ZNF28: variants seen among roughly 807,000 people sequenced by gnomAD.
ZNF28 encodes zinc finger protein KOX24.
Under a neutral mutation model 7.2 loss-of-function variants are expected in ZNF28, and 5 were observed. The ratio of observed to expected loss-of-function variants is 0.70; its 90% CI spans 0.36 to 1.46. ZNF28 has a LOEUF of 1.46. ZNF28 is among the 40% of genes most tolerant of loss of function. The pLI, the probability that ZNF28 is intolerant of heterozygous loss-of-function variation, is 0.03. For missense variants in ZNF28, 879 were observed against 866.6 expected (o/e 1.01, Z -0.18); for synonymous variants, 288 against 292.4 (o/e 0.99, Z 0.15).
chr19:52,805,645 A>AATAAATAAATAAATAAATAC (rs2062928292), intron 3 of ZNF28: 1 of 149,764 alleles, frequency 6.7e-6, no homozygotes, highest in Non-Finnish European at 1.5e-5. Context: ...TAATAATAAA[A>AATAAATAAATAAATAAATAC]ATAAATAAAT....
chr19:52,810,667 A>C, intron 2 of ZNF28: 5 of 999,846 alleles, frequency 5.0e-6, no homozygotes, highest in Non-Finnish European at 8.0e-6. Context: ...TCGCGTCTAC[A>C]GGGGCCGGGC....
Position 52,802,732 on chromosome 19 carries a change from T to C in ZNF28, c.143-1030A>G, listed in dbSNP as rs2062887850. ...TCCAAATAACTGTTACAAAATTACCTATATCCATGTGGAACAGGCACGTTG... is the reference window on the plus strand; with the variant it reads ...TCCAAATAACTGTTACAAAATTACCCATATCCATGTGGAACAGGCACGTTG... On this transcript the variant is annotated intron_variant, in intron 3 of 3. Transcript: ENST00000457749. 6.6e-5 allele frequency among the ~76,000 whole-genome samples: 10 copies of C among 151,236 alleles called. No individual in the cohort carries two copies. The South Asian group carries it at 1.9e-3, about 28-fold the overall frequency.
Position 52,816,799 on chromosome 19 carries a change from G to A in ZNF28, c.15+1145C>T, listed in dbSNP as rs1047704686. ...TAAGCTGAGATCATGCCACTGCACT[G>A]CAGCCTGGGCAACAAAGCAAGACTC... On this transcript the variant is annotated intron_variant, in intron 2 of 3. Coordinates refer to ENST00000457749, the MANE Select transcript of ZNF28 (RefSeq NM_006969.5). Among the ~76,000 whole-genome samples the A allele has an allele frequency of 2.0e-5, 3 of 151,194 alleles. No homozygotes were observed. In the Admixed American group the frequency reaches 2.0e-4, roughly 10 times the overall value.
rs1426183294 is a variant in ZNF28, at chr19:52,813,849, G to C, written c.15+4095C>G. 2.7e-5 allele frequency among the ~76,000 whole-genome samples: 4 copies of C among 146,006 alleles called. 2 individuals are homozygous for C. Among genetic ancestry groups the C allele is most frequent in the African/African-American group, 1.1e-4 (4 of 37,442 alleles). On this transcript the variant is annotated intron_variant, in intron 2 of 3. Coordinates refer to ENST00000457749, the MANE Select transcript of ZNF28 (RefSeq NM_006969.5). Reference sequence around the variant, plus strand: ...TTTCTGTTTTTCAGTTTTTTGTTTTGTTTTGTCTTCCTTTGCCTTTTTTCC... The same window carrying C: ...TTTCTGTTTTTCAGTTTTTTGTTTTCTTTTGTCTTCCTTTGCCTTTTTTCC...
At position 52,800,821 on chromosome 19, in the gene ZNF28, G is replaced by A. The variant is rs371929508; in HGVS notation, c.1024C>T (p.Leu342=). The part of the protein sequence containing the change: ...CDKAFTCNSY[L]AKHTIIHTGE... ...GTGTGAATTATAGTATGTTTTGCTA[G>A]GTATGAATTACATGTGAAAGCTTTG... The change falls in exon 4 of 4, where the codon CTA becomes TTA. Residue 342 remains leucine (L), a synonymous_variant. Coordinates refer to ENST00000457749, the MANE Select transcript of ZNF28 (RefSeq NM_006969.5). 15 of 1,613,938 alleles carry A rather than the reference G, an allele frequency of 9.3e-6. No individual in the cohort carries two copies. In the Admixed American group the frequency reaches 1.2e-4, roughly 13 times the overall value.
In ZNF28 at chr19:52,804,659, C is replaced by T. The variant is rs1020108302; in HGVS notation, c.143-2957G>A. Among the ~76,000 whole-genome samples the T allele has an allele frequency of 3.9e-5, 6 of 152,220 alleles. No homozygotes were observed. The East Asian group carries it at 9.6e-4, about 24-fold the overall frequency. ...GTGCCAGGATTACAGGTGTGAGCCACTGCACCTAGCCCATTTTTGGCATTT... is the reference window on the plus strand; with the variant it reads ...GTGCCAGGATTACAGGTGTGAGCCATTGCACCTAGCCCATTTTTGGCATTT... On this transcript the variant is annotated intron_variant, in intron 3 of 3. Transcript: ENST00000457749.
chr19:52,807,547 C>A (rs368437697), intron 3 of ZNF28, among the ~76,000 whole-genome samples: 20 of 152,262 alleles, frequency 1.3e-4, no homozygotes, highest in Admixed American at 3.3e-4. Context: ...GTTCTCAGCT[C>A]AATGCAAAAC....
intron 1 of ZNF28, among the ~76,000 whole-genome samples, chr19:52,818,735 T>G (rs952388889): frequency 3.6e-4 from 54 of 150,848 alleles, no homozygotes; most frequent in Non-Finnish European, 5.6e-4. Context: ...ATACAAAAAT[T>G]AGCAGGGTGT....
chr19:52,818,215 C>T (rs138135003), intron 1 of ZNF28, among the ~76,000 whole-genome samples, 184 bp from the exon 2 acceptor site: 3,187 of 152,246 alleles, frequency 0.021, 107 homozygotes, highest in African/African-American at 0.07. Context: ...CCCACACACA[C>T]GCTGCAGCAG....
Position 52,799,172 on chromosome 19 carries a change from T to G in ZNF28, c.*516A>C. On this transcript the variant is annotated 3_prime_UTR_variant, in exon 4 of 4. Coordinates refer to ENST00000457749, the MANE Select transcript of ZNF28 (RefSeq NM_006969.5). Reference sequence around the variant, plus strand: ...ACTGTTGATTAAAAACTATGCCACATTCATTACACTTGTAGGGTTTCTCTC... The same window carrying G: ...ACTGTTGATTAAAAACTATGCCACAGTCATTACACTTGTAGGGTTTCTCTC... 2.5e-6 allele frequency: 1 copy of G among 407,640 alleles called. No homozygotes were observed. The highest frequency in any genetic ancestry group is 4.8e-6 in the Non-Finnish European group (1 of 210,276). The allele number at this position is 407,640 out of a possible 1,614,324, so 25.3% of individuals were successfully genotyped here.
In ZNF28 at chr19:52,815,425, G is replaced by A. The variant is rs954359170; in HGVS notation, c.15+2519C>T. Among the ~76,000 whole-genome samples, 10 of 145,612 alleles carry A rather than the reference G, an allele frequency of 6.9e-5. 1 individual carries two copies. Among genetic ancestry groups the A allele is most frequent in the African/African-American group, 2.7e-4 (10 of 37,212 alleles). ...CCAGCTACTCGAGAGTCTGAAGCAGGAGACACACTTGAACCCGGGAGGTAG... is the reference window on the plus strand; with the variant it reads ...CCAGCTACTCGAGAGTCTGAAGCAGAAGACACACTTGAACCCGGGAGGTAG... On this transcript the variant is annotated intron_variant, in intron 2 of 3. Coordinates refer to ENST00000457749, the MANE Select transcript of ZNF28 (RefSeq NM_006969.5).
In ZNF28 at chr19:52,799,911, C is replaced by A; in HGVS notation, c.1934G>T (p.Ser645Ile). 6.2e-7 allele frequency: 1 copy of A among 1,613,802 alleles called. No homozygotes were observed. Among genetic ancestry groups the A allele is most frequent in the Non-Finnish European group, 8.5e-7 (1 of 1,179,878 alleles). ...ATGGTATACGAGGGATGACATCTGA[C>A]TGAAGGTCTTGCCACACTCATTACA... ...YKCNECGKTF[S>I]QMSSLVYHHR... The change falls in exon 4 of 4, where the codon AGT (serine) becomes ATT (isoleucine). Residue 645 changes from serine (S) to isoleucine (I), a missense_variant. Physicochemically the swap from Ser to Ile is moderately radical, Grantham distance 142. Transcript: ENST00000457749.
At chr19:52,806,095 C>A (rs973223181) in intron 3 of ZNF28, 9 of 152,120 alleles carry the variant, frequency 5.9e-5, no homozygotes, top group African/African-American at 2.2e-4. Flanking sequence ...AAACACTGTA[C>A]ATATATGTTA....
At position 52,800,737 on chromosome 19, in the gene ZNF28, G is replaced by A. The variant is rs2147615271; in HGVS notation, c.1108C>T (p.Leu370Phe). Residue 370 changes from leucine (L) to phenylalanine (F), a missense_variant, in exon 4 of 4, where the codon CTT becomes TTT. By Grantham distance (22) the Leu-to-Phe change is conservative (BLOSUM62 0). Coordinates refer to ENST00000457749, the MANE Select transcript of ZNF28 (RefSeq NM_006969.5). Reference protein sequence around the residue: ...CGKVFNRLSTLARHRRLHTGE... With the variant: ...CGKVFNRLSTFARHRRLHTGE... ...GTATGAAGCCTACGATGGCGTGCAA[G>A]GGTTGACAGTCGATTAAAAACCTTG... The A allele has an allele frequency of 1.2e-6, 2 of 1,613,828 alleles. No individual in the cohort carries two copies. The highest frequency in any genetic ancestry group is 4.5e-5 in the East Asian group (2 of 44,878).
At chr19:52,816,955 T>C (rs1176155414) in intron 2 of ZNF28, among the ~76,000 whole-genome samples, 2 of 152,040 alleles carry the variant, frequency 1.3e-5, no homozygotes, top group Non-Finnish European at 2.9e-5. Flanking sequence ...CAACCACTTT[T>C]ACCAAAAACA....
intron 2 of ZNF28, chr19:52,810,016 C>G: frequency 1.3e-6 from 1 of 754,502 alleles, no homozygotes; most frequent in Non-Finnish European, 2.4e-6. Context: ...CTGTTGGAGC[C>G]GGAGCCCGAA....
rs146695045 is a variant in ZNF28 at position 52,801,215 on chromosome 19, CAT to C, written c.628_629del (p.Met210GlufsTer9). 4,236 of 1,614,140 alleles carry C rather than the reference CAT, an allele frequency of 2.6e-3. 114 individuals are homozygous for C. In the East Asian group the frequency reaches 0.055, roughly 21 times the overall value. On this transcript the variant is annotated frameshift_variant, in exon 4 of 4. Coordinates refer to ENST00000457749, the MANE Select transcript of ZNF28 (RefSeq NM_006969.5). LOFTEE classifies it low-confidence loss of function (END_TRUNC). ...CAATACATTGGAAAGATTTTTCTCT[CAT>C]GTGTACATTCCGTTTTTGTGTGAGT... ...SLLTQKRNVH[M>X]REKSFQCIES...
Position 52,801,587 on chromosome 19 carries a change from G to C in ZNF28, c.258C>G (p.Cys86Trp), listed in dbSNP as rs755131436. The change falls in exon 4 of 4, where the codon TGC (cysteine) becomes TGG (tryptophan). Residue 86 changes from cysteine to tryptophan, a missense_variant. Transcript: ENST00000457749. ...RQASHHIGDFCFQKIEKDIHG... is the reference protein window; with the variant it reads ...RQASHHIGDFWFQKIEKDIHG... ...GAATGTCTTTCTCAATTTTCTGGAA[G>C]CAAAAATCTCCAATGTGATGACTTG... 1.2e-6 allele frequency: 2 copies of C among 1,613,998 alleles called. No homozygotes were observed. The highest frequency in any genetic ancestry group is 2.2e-5 in the South Asian group (2 of 91,086).
rs1200138641 is a variant in ZNF28 at position 52,798,685 on chromosome 19, A to AT, written c.*1002dup. On this transcript the variant is annotated 3_prime_UTR_variant, in exon 4 of 4. Transcript: ENST00000457749. ...AGACCTTGCCACAATCATGACATTT[A>AT]TAAGGTTTCTCTCCAGCATGAGTTC... 3 of 442,826 alleles carry AT rather than the reference A, an allele frequency of 6.8e-6. No homozygotes were observed. In the Admixed American group the frequency reaches 7.9e-5, roughly 12 times the overall value. 27.4% of individuals were successfully genotyped at this position (442,826 alleles called of 1,614,324 possible). A position where few individuals can be genotyped will look rare whatever the true frequency, so the allele number is the denominator to read the frequency against.
Sources: allele counts gnomAD v4.1 joint callset (sites outside exome capture counted in the v4.1 genomes callset), GRCh38; gene constraint gnomAD v4.1.1; transcripts MANE v1.5; gene names NCBI Gene and HGNC (gene_info 2026-07-23, HGNC 2026-07-21).